The following PAICS variants were observed in gnomAD, a reference collection of about 807,000 sequenced individuals.
PAICS encodes bifunctional phosphoribosylaminoimidazole carboxylase/phosphoribosylaminoimidazole succinocarboxamide synthetase.
Under a neutral mutation model 53.7 loss-of-function variants are expected in PAICS, and 33 were observed. That is an observed-to-expected ratio of 0.61 (90% CI 0.47 to 0.82). The LOEUF (loss-of-function observed/expected upper bound fraction) is 0.82. PAICS is among the 40% of genes least tolerant of loss of function. The pLI, the probability that PAICS is intolerant of heterozygous loss-of-function variation, is 0.00. For synonymous variants in PAICS, 141 were observed against 167.2 expected (o/e 0.84, Z 1.21); for missense variants, 394 against 494.1 (o/e 0.80, Z 1.92).
the PAICS span, among the ~76,000 whole-genome samples, chr4:56,430,025 C>T: frequency 6.6e-6 from 1 of 152,098 alleles, no homozygotes; most frequent in Non-Finnish European, 1.5e-5. Context: ...GCCTTGGAGG[C>T]CAAGGCAGGA....
intron 1 of PAICS, among the ~76,000 whole-genome samples, chr4:56,440,568 T>C (rs1718287956): frequency 6.6e-6 from 1 of 152,180 alleles, no homozygotes; most frequent in Non-Finnish European, 1.5e-5. Context: ...GCAATCCACT[T>C]TGACCACCTT....
intron 3 of PAICS, among the ~76,000 whole-genome samples, chr4:56,447,503 T>A (rs1345324966): frequency 6.6e-6 from 1 of 152,178 alleles, no homozygotes. Flanking sequence ...AATTATCAAA[T>A]AATGTCCCTA....
the PAICS span, among the ~76,000 whole-genome samples, chr4:56,424,914 G>A: frequency 6.6e-6 from 1 of 152,138 alleles, no homozygotes; most frequent in Non-Finnish European, 1.5e-5. Flanking sequence ...CAGAGGGGTG[G>A]AGTCAAGCAT....
chr4:56,435,226 T>G, upstream of PAICS: 6 of 1,403,848 alleles, frequency 4.3e-6, no homozygotes. Flanking sequence ...CACAGGCAGG[T>G]ACTGGCTTAG....
chr4:56,426,401 C>CA, the PAICS span, among the ~76,000 whole-genome samples: 5,726 of 140,126 alleles, frequency 0.041, 341 homozygotes, highest in African/African-American at 0.13. Context: ...GACTCTGTCT[C>CA]AAAAAAAAAA....
the PAICS span, among the ~76,000 whole-genome samples, chr4:56,412,445 A>C: frequency 6.7e-4 from 102 of 152,172 alleles, 2 homozygotes; most frequent in East Asian, 0.017. Flanking sequence ...AATAGCTGGG[A>C]CTATGGGGTG....
chr4:56,419,896 A>G, the PAICS span: 1 of 984,672 alleles, frequency 1.0e-6, no homozygotes, highest in South Asian at 4.7e-5. Context: ...AGAACAGCTC[A>G]AGATCTAGGC....
the PAICS span, among the ~76,000 whole-genome samples, chr4:56,424,910 G>A: frequency 5.1e-3 from 777 of 152,244 alleles, 7 homozygotes; most frequent in Non-Finnish European, 9.2e-3. Flanking sequence ...AGGTCAGAGG[G>A]GTGGAGTCAA....
chr4:56,430,714 C>A, the PAICS span, among the ~76,000 whole-genome samples: 4 of 148,414 alleles, frequency 2.7e-5, no homozygotes, highest in Non-Finnish European at 4.5e-5. Flanking sequence ...TCAGGTTAAA[C>A]TGCTAAGGGT....
At chr4:56,434,483 C>T (rs192195681), upstream of PAICS, among the ~76,000 whole-genome samples, 74 of 152,334 alleles carry the variant, frequency 4.9e-4, no homozygotes, top group Non-Finnish European at 8.7e-4. Context: ...TTTATATCAA[C>T]TTCCAGTTAA....
At chr4:56,437,753 A>G (rs1035586333) in intron 1 of PAICS, among the ~76,000 whole-genome samples, 2 of 143,704 alleles carry the variant, frequency 1.4e-5, no homozygotes, top group African/African-American at 2.6e-5. Flanking sequence ...CCGGGGAGTC[A>G]GAGGCTGCAG....
chr4:56,443,800 A>G (rs546152015), intron 2 of PAICS, among the ~76,000 whole-genome samples: 10 of 152,214 alleles, frequency 6.6e-5, no homozygotes, highest in Non-Finnish European at 1.3e-4. Context: ...TTAATTCTGA[A>G]GAGTCCTGTG....
At chr4:56,417,074 C>T in the PAICS span, among the ~76,000 whole-genome samples, 4 of 152,222 alleles carry the variant, frequency 2.6e-5, no homozygotes, top group Non-Finnish European at 5.9e-5. Flanking sequence ...ATCTAGAACT[C>T]TCGACCTCTG....
chr4:56,414,275 G>A, the PAICS span: 2 of 152,198 alleles, frequency 1.3e-5, no homozygotes, highest in African/African-American at 2.4e-5. Context: ...GGAAGAAAAC[G>A]AAAGTGCCTT....
intron 6 of PAICS, among the ~76,000 whole-genome samples, chr4:56,451,474 G>A (rs1718914475): frequency 6.6e-6 from 1 of 152,172 alleles, no homozygotes; most frequent in African/African-American, 2.4e-5. Context: ...TATATTTTGA[G>A]TTACAAGCAA....
At chr4:56,455,746 A>G (rs1485755074) in intron 8 of PAICS, among the ~76,000 whole-genome samples, 1 of 152,160 alleles carries the variant, frequency 6.6e-6, no homozygotes, top group Non-Finnish European at 1.5e-5. Context: ...TGAGGACTCC[A>G]TTGCTTTTCC....
At chr4:56,413,966 T>C in the PAICS span, among the ~76,000 whole-genome samples, 1 of 152,214 alleles carries the variant, frequency 6.6e-6, no homozygotes, top group Non-Finnish European at 1.5e-5. Context: ...TATAATGATA[T>C]ACAAATTGGT....
upstream of PAICS, among the ~76,000 whole-genome samples, chr4:56,432,081 A>G (rs1321212611): frequency 2.0e-5 from 3 of 152,204 alleles, no homozygotes; most frequent in Non-Finnish European, 4.4e-5. Flanking sequence ...TTGATACTCT[A>G]TTTATTTTTA....
chr4:56,435,298 G>T (rs1356884182), upstream of PAICS: 7 of 1,607,362 alleles, frequency 4.4e-6, no homozygotes, highest in Admixed American at 3.4e-5. Flanking sequence ...TGCGGGAAGC[G>T]GCTCCGAGAG....
Sources: allele counts gnomAD v4.1 joint callset (sites outside exome capture counted in the v4.1 genomes callset), GRCh38; gene constraint gnomAD v4.1.1; transcripts MANE v1.5; gene names NCBI Gene and HGNC (gene_info 2026-07-23, HGNC 2026-07-21).